The following ITPKB variants were observed in gnomAD, a reference collection of about 807,000 sequenced individuals.
ITPKB encodes the protein IP3 3-kinase B.
Under a neutral mutation model 69.4 loss-of-function variants are expected in ITPKB, and 13 were observed. That is an observed-to-expected ratio of 0.19 (90% confidence interval 0.12 to 0.30). The LOEUF (loss-of-function observed/expected upper bound fraction) is 0.30. ITPKB is among the 10% of genes least tolerant of loss of function. The pLI, the probability that ITPKB is intolerant of heterozygous loss-of-function variation, is 1.00. For synonymous variants in ITPKB, 584 were observed against 513.7 expected, an observed-to-expected ratio of 1.14 and a Z score of -1.85; for missense variants, 1,240 against 1,250.5, an observed-to-expected ratio of 0.99 and a Z score of 0.13.
rs780337875 is a variant in ITPKB at position 226,639,621 on chromosome 1, G to T, written c.2489C>A (p.Thr830Asn). ...CTCGGTGACCTGCTCCCTCGTTTTG[G>T]TCTTCTTGAAGTCCCGGTTCACGGT... Reference protein sequence around the residue: ...DGTVNRDFKKTKTREQVTEAF... With the variant: ...DGTVNRDFKKNKTREQVTEAF... Residue 830 changes from threonine (T) to asparagine (N), a missense_variant, in exon 6 of 8, where the codon ACC becomes AAC. By Grantham distance (65) the Thr-to-Asn change is moderately conservative. Around this residue, in one of 2 missense-constraint regions of ITPKB, gnomAD observed 248 missense variants for 396.7 expected, o/e 0.63. Coordinates refer to ENST00000429204, the MANE Select transcript of ITPKB (RefSeq NM_002221.4). 1.9e-6 allele frequency: 3 copies of T among 1,613,830 alleles called. No individual in the cohort carries two copies. Among genetic ancestry groups the T allele is most frequent in the Non-Finnish European group, 2.5e-6 (3 of 1,179,842 alleles).
At chr1:226,699,339 G>A (rs1421942833) in intron 2 of ITPKB, among the ~76,000 whole-genome samples, 4 of 152,236 alleles carry the variant, frequency 2.6e-5, no homozygotes, top group Non-Finnish European at 4.4e-5. Context: ...GGCTGCTGAC[G>A]ACACGGTCAG....
At position 226,664,470 on chromosome 1, in the gene ITPKB, G is replaced by A. The variant is rs144370873; in HGVS notation, c.1933-15699C>T. Among the ~76,000 whole-genome samples the A allele has an allele frequency of 7.7e-4, 117 of 152,320 alleles. 2 individuals carry two copies. In the East Asian group the frequency reaches 0.02, roughly 26 times the overall value. ...GGCAGTACACGTATCGTGGTGGGAC[G>A]AGGGGAGAGCCTTGGGGACTCTGTC... is the stretch of plus-strand genomic sequence containing the variant. On this transcript the variant is annotated intron_variant, in intron 2 of 7. Coordinates refer to ENST00000429204, the MANE Select transcript of ITPKB (RefSeq NM_002221.4).
intron 2 of ITPKB, chr1:226,707,205 T>C (rs1410077857): frequency 3.5e-6 from 2 of 564,052 alleles, no homozygotes; most frequent in Non-Finnish European, 4.5e-6. Context: ...TATTTATTTA[T>C]TTATTTTTGA....
chr1:226,632,413 C>T lies in ITPKB; in HGVS notation c.*2258G>A, dbSNP rs1293818179. 6.6e-6 allele frequency: 1 copy of T among 152,008 alleles called. No homozygotes were observed. Among genetic ancestry groups the T allele is most frequent in the African/African-American group, 2.4e-5 (1 of 41,358 alleles). 9.4% of individuals were successfully genotyped at this position (152,008 alleles called of 1,614,324 possible). On this transcript the variant is annotated 3_prime_UTR_variant, in exon 8 of 8. Coordinates refer to ENST00000429204, the MANE Select transcript of ITPKB (RefSeq NM_002221.4). The stretch of plus-strand genomic sequence containing the variant: ...TCCATTTCACAATCCATCTATCCCA[C>T]TGAGACAAAGGGAAGGGCCAGATGG...
At position 226,641,097 on chromosome 1, in the gene ITPKB, C is replaced by G. The variant is rs1409465748; in HGVS notation, c.2451+824G>C. 1.3e-5 allele frequency among the ~76,000 whole-genome samples: 2 copies of G among 152,230 alleles called. No individual in the cohort carries two copies. The highest frequency in any genetic ancestry group is 2.9e-5 in the Non-Finnish European group (2 of 68,044). On this transcript the variant is annotated intron_variant, in intron 5 of 7. Transcript: ENST00000429204. The surrounding 1 kb of genome is among the most constrained non-coding windows in gnomAD (Gnocchi z 4.6). ...ACCCTGAGGGGCCGGCGCCCCAAAG[C>G]CCGGCTCTTGCAAATTTAACAGCAA...
chr1:226,709,252 T>C (rs28673715), intron 2 of ITPKB, among the ~76,000 whole-genome samples: 1 of 152,334 alleles, frequency 6.6e-6, no homozygotes, highest in East Asian at 1.9e-4. Flanking sequence ...TGAGTATGTC[T>C]CATGCCTTTA....
chr1:226,661,735 T>A (rs1373149899), intron 2 of ITPKB, among the ~76,000 whole-genome samples: 2 of 152,206 alleles, frequency 1.3e-5, no homozygotes, highest in African/African-American at 4.8e-5. Context: ...CAGAGGCAGA[T>A]ACATTTTGCA....
At chr1:226,655,742 C>G (rs946469040) in intron 2 of ITPKB, among the ~76,000 whole-genome samples, 50 of 152,366 alleles carry the variant, frequency 3.3e-4, no homozygotes, top group Admixed American at 2.5e-3. Flanking sequence ...CCCCTGGGGT[C>G]TGCTTCCTGT....
chr1:226,667,038 G>C (rs1455271926), intron 2 of ITPKB, among the ~76,000 whole-genome samples: 3 of 152,092 alleles, frequency 2.0e-5, no homozygotes, highest in African/African-American at 7.2e-5. Context: ...CTAACCTACC[G>C]AGAGAACTCT....
intron 2 of ITPKB, among the ~76,000 whole-genome samples, chr1:226,692,561 G>A (rs1055903448): frequency 6.6e-6 from 1 of 152,142 alleles, no homozygotes; most frequent in Non-Finnish European, 1.5e-5. Flanking sequence ...ACCCTACACT[G>A]CCACAGAACA....
At chr1:226,712,974 C>G (rs1657007543) in intron 2 of ITPKB, among the ~76,000 whole-genome samples, 1 of 148,736 alleles carries the variant, frequency 6.7e-6, no homozygotes, top group Non-Finnish European at 1.5e-5. Flanking sequence ...CCCACCCACA[C>G]TTATCTACAC....
chr1:226,654,336 A>C (rs1175297097), intron 2 of ITPKB, among the ~76,000 whole-genome samples: 1 of 152,190 alleles, frequency 6.6e-6, no homozygotes, highest in East Asian at 1.9e-4. Flanking sequence ...TTCCCCTGCA[A>C]CAGAGAGAAG....
At chr1:226,635,877 A>G (rs931803951) in intron 7 of ITPKB, among the ~76,000 whole-genome samples, 18 of 152,368 alleles carry the variant, frequency 1.2e-4, no homozygotes, top group Non-Finnish European at 2.1e-4. Flanking sequence ...ATACCCCTGC[A>G]TCACCTCAGT....
At chr1:226,654,172 C>T (rs575270237) in intron 2 of ITPKB, among the ~76,000 whole-genome samples, 22 of 152,140 alleles carry the variant, frequency 1.4e-4, no homozygotes, top group Admixed American at 3.9e-4. Context: ...CCCTGGCACC[C>T]GACTTGAAAG....
chr1:226,678,949 G>C (rs937698768), intron 2 of ITPKB, among the ~76,000 whole-genome samples: 3 of 152,226 alleles, frequency 2.0e-5, no homozygotes, highest in Admixed American at 2.0e-4. Context: ...CTCTGCGGAG[G>C]GCTACTGATG....
chr1:226,705,616 G>A (rs1558091164), intron 2 of ITPKB, among the ~76,000 whole-genome samples: 1 of 151,364 alleles, frequency 6.6e-6, no homozygotes, highest in African/African-American at 2.4e-5. Context: ...ATATGCAGAT[G>A]TGCCTATGGG....
At chr1:226,688,349 G>C (rs1277258368) in intron 2 of ITPKB, among the ~76,000 whole-genome samples, 1 of 152,100 alleles carries the variant, frequency 6.6e-6, no homozygotes, top group African/African-American at 2.4e-5. Flanking sequence ...GCTGTTCCGG[G>C]AAACTCAGAA....
chr1:226,658,738 C>G (rs532730075), intron 2 of ITPKB, among the ~76,000 whole-genome samples: 2 of 152,298 alleles, frequency 1.3e-5, no homozygotes, highest in African/African-American at 4.8e-5. Context: ...TCTTCTCCCC[C>G]GCCCTTTATG....
chr1:226,646,827 C>T (rs1049941584), intron 4 of ITPKB, among the ~76,000 whole-genome samples: 3 of 152,168 alleles, frequency 2.0e-5, no homozygotes, highest in East Asian at 3.9e-4. Context: ...CTGGTGGCTC[C>T]CCGCACCCCC....
Sources: gnomAD v4.1 joint callset for allele counts (sites outside exome capture counted in the v4.1 genomes callset) on GRCh38, gnomAD v4.1.1 for gene constraint, gnomAD v4.1.1 regional missense constraint, Gnocchi (gnomAD v3.1) non-coding constraint, MANE v1.5 for transcripts, NCBI Gene and HGNC (gene_info 2026-07-23, HGNC 2026-07-21) for gene names.